The following MUC17 variants were observed in gnomAD, a reference collection of about 807,000 sequenced individuals.
MUC17 encodes mucin 17, cell surface associated, also known as mucin-17.
A neutral mutation model predicts 170.3 loss-of-function variants in MUC17; 190 were observed. The ratio of observed to expected loss-of-function variants is 1.12; its 90% CI spans 0.99 to 1.26. The LOEUF is 1.26. MUC17 is among the 50% of genes most tolerant of loss of function. The probability of loss-of-function intolerance (pLI) is 0.00; values close to 1 mark genes in which losing one functional copy is unlikely to be tolerated. For missense variants in MUC17, 6,415 were observed against 5,530.0 expected (o/e 1.16, Z -5.08); for synonymous variants, 2,325 against 2,002.5 (o/e 1.16, Z -4.30).
rs1794383248 is a variant in MUC17, at chr7:101,034,187, C to G, written c.2771C>G (p.Thr924Ser). 6.3e-7 allele frequency: 1 copy of G among 1,585,612 alleles called. No homozygotes were observed. Among genetic ancestry groups the G allele is most frequent in the Non-Finnish European group, 8.6e-7 (1 of 1,164,486 alleles). ...ACCTCAACTCCTGGGGAAGGAAGCA[C>G]TCCATTAACAAGTATGCCTGACAGC... ...MPTSTPGEGS[T>S]PLTSMPDSTT... The change falls in exon 3 of 13, where the codon ACT becomes AGT. Residue 924 changes from threonine to serine, a missense_variant. By Grantham distance (58) the Thr-to-Ser change is moderately conservative. Transcript: ENST00000306151.
rs1458115216 is a variant in MUC17, at chr7:101,050,654, G to A, written c.12874+19G>A. On this transcript the variant is annotated intron_variant, in intron 7 of 12. Coordinates refer to ENST00000306151, the MANE Select transcript of MUC17 (RefSeq NM_001040105.2). Reference sequence around the variant, plus strand: ...TGCTCAGGTGAACTCTGGGCTTCCAGGGAGGGAAGGGAGAAGGCATCAGAG... The same window carrying A: ...TGCTCAGGTGAACTCTGGGCTTCCAAGGAGGGAAGGGAGAAGGCATCAGAG... 3.1e-6 allele frequency: 5 copies of A among 1,609,814 alleles called. No individual in the cohort carries two copies. Among genetic ancestry groups the A allele is most frequent in the Non-Finnish European group, 4.2e-6 (5 of 1,178,040 alleles).
chr7:101,038,260 A>G lies in MUC17; in HGVS notation c.6844A>G (p.Thr2282Ala), dbSNP rs557918100. 3.1e-6 allele frequency: 5 copies of G among 1,613,884 alleles called. No individual in the cohort carries two copies. The Admixed American group carries it at 8.3e-5, about 27-fold the overall frequency. Reference sequence around the variant, plus strand: ...TCTTAGTGAAGGAACGACTCCATTAACAAGTATACCTGTCAGCCACACGCT... The same window carrying G: ...TCTTAGTGAAGGAACGACTCCATTAGCAAGTATACCTGTCAGCCACACGCT... The part of the protein sequence containing the change: ...STLSEGTTPL[T>A]SIPVSHTLVA... Residue 2282 changes from threonine to alanine, a missense_variant, in exon 3 of 13, where the codon ACA becomes GCA. Physicochemically the swap from Thr to Ala is moderately conservative, Grantham distance 58 (BLOSUM62 0). Coordinates refer to ENST00000306151, the MANE Select transcript of MUC17 (RefSeq NM_001040105.2).
intron 6 of MUC17, 124 bp from the exon 7 acceptor site, chr7:101,050,360 C>T: frequency 7.2e-7 from 1 of 1,398,486 alleles, no homozygotes; most frequent in Non-Finnish European, 9.7e-7. Context: ...AGAGTCATCA[C>T]CCCAACTGTC....
chr7:101,030,294 C>T (rs139726677), intron 1 of MUC17, among the ~76,000 whole-genome samples: 113 of 147,764 alleles, frequency 7.6e-4, no homozygotes, highest in African/African-American at 2.7e-3. Context: ...GTGATCTTGG[C>T]TCACTGCAAC....
At position 101,043,426 on chromosome 7, in the gene MUC17, T is replaced by C; in HGVS notation, c.12010T>C (p.Tyr4004His). The change falls in exon 3 of 13, where the codon TAT becomes CAT. Residue 4004 changes from tyrosine (Y) to histidine (H), a missense_variant. Coordinates refer to ENST00000306151, the MANE Select transcript of MUC17 (RefSeq NM_001040105.2). Reference sequence around the variant, plus strand: ...AATGACTACTGCAGCTCCCCTCACATATGTGACCATGTCTACTGCCCCCAG... The same window carrying C: ...AATGACTACTGCAGCTCCCCTCACACATGTGACCATGTCTACTGCCCCCAG... ...PAMTTAAPLT[Y>H]VTMSTAPSTP... is the part of the protein sequence containing the mutation. 1 of 1,614,100 alleles carries C rather than the reference T, an allele frequency of 6.2e-7. No homozygotes were observed. The highest frequency in any genetic ancestry group is 8.5e-7 in the Non-Finnish European group (1 of 1,180,030).
rs73168390 is a variant in MUC17 at position 101,035,202 on chromosome 7, C to G, written c.3786C>G (p.Thr1262=). 8.9e-6 allele frequency: 14 copies of G among 1,575,362 alleles called. No homozygotes were observed. Among genetic ancestry groups the G allele is most frequent in the Non-Finnish European group, 1.2e-5 (14 of 1,148,590 alleles). ...CTGAAACCAGTTCCTCTCCTACAAC[C>G]GCTGAAGGTACCAGCTTGCCAACCT... ...TSAETSSSPT[T]AEGTSLPTST... Residue 1262 remains threonine, a synonymous_variant, in exon 3 of 13, where the codon ACC becomes ACG. Transcript: ENST00000306151.
intron 9 of MUC17, among the ~76,000 whole-genome samples, chr7:101,052,403 A>T (rs1794963987): frequency 6.6e-6 from 1 of 152,204 alleles, no homozygotes. Flanking sequence ...CTTTAAACAG[A>T]ACCAAAGAGA....
At position 101,038,841 on chromosome 7, in the gene MUC17, C is replaced by T. The variant is rs138769729; in HGVS notation, c.7425C>T (p.Thr2475=). The T allele has an allele frequency of 1.3e-3, 2,021 of 1,610,608 alleles. 73 individuals carry two copies. In the East Asian group the frequency reaches 0.044, roughly 35 times the overall value. ...CGGTGGTCAGTTCTGAGGCTGGCACCCTTTCCACAACTCCTGTTGACACCA... is the reference window on the plus strand; with the variant it reads ...CGGTGGTCAGTTCTGAGGCTGGCACTCTTTCCACAACTCCTGTTGACACCA... ...TTPVVSSEAG[T]LSTTPVDTST... is the part of the protein sequence containing the mutation. The change falls in exon 3 of 13, where the codon ACC becomes ACT. Residue 2475 remains threonine (T), a synonymous_variant. Coordinates refer to ENST00000306151, the MANE Select transcript of MUC17 (RefSeq NM_001040105.2).
Position 101,058,060 on chromosome 7 carries a change from A to G in MUC17, c.*16A>G, listed in dbSNP as rs1795079704. On this transcript the variant is annotated 3_prime_UTR_variant, in exon 13 of 13. Transcript: ENST00000306151. ...ATCATTTTAAGGCATGGAGCTGAGA[A>G]GTCTGGGAGTGAGGAGATCCCAGTC... 1 of 1,612,842 alleles carries G rather than the reference A, an allele frequency of 6.2e-7. No homozygotes were observed. Among genetic ancestry groups the G allele is most frequent in the Admixed American group, 1.7e-5 (1 of 59,996 alleles).
In MUC17 at chr7:101,040,498, CCTACAA is replaced by C. The variant is rs1794662300; in HGVS notation, c.9085_9090del (p.Thr3029_Thr3030del). ...CACTTCTACTGAAGCCAGTTCCTCT[CCTACAA>C]CTGCTGAAGGTACCGGCATACCAAT... On this transcript the variant is annotated inframe_deletion, in exon 3 of 13. Coordinates refer to ENST00000306151, the MANE Select transcript of MUC17 (RefSeq NM_001040105.2). 6.2e-7 allele frequency: 1 copy of C among 1,611,488 alleles called. No individual in the cohort carries two copies. The highest frequency in any genetic ancestry group is 8.5e-7 in the Non-Finnish European group (1 of 1,178,996).
intron 1 of MUC17, among the ~76,000 whole-genome samples, chr7:101,027,604 G>T (rs1260793539): frequency 6.6e-6 from 1 of 152,092 alleles, no homozygotes; most frequent in Non-Finnish European, 1.5e-5. Flanking sequence ...GTTTGGAGTT[G>T]TTGAATTTTT....
chr7:101,039,946 T>C lies in MUC17; in HGVS notation c.8530T>C (p.Ser2844Pro). The C allele has an allele frequency of 6.2e-7, 1 of 1,613,568 alleles. No individual in the cohort carries two copies. Among genetic ancestry groups the C allele is most frequent in the Non-Finnish European group, 8.5e-7 (1 of 1,179,812 alleles). ...TGACACCAGCACACCTGTGACCACT[T>C]CTACTAAAGCCAGTTCATCTCCTAC... ...PVDTSTPVTT[S>P]TKASSSPTTA... Residue 2844 changes from serine (S) to proline (P), a missense_variant, in exon 3 of 13, where the codon TCT becomes CCT. Physicochemically the swap from Ser to Pro is moderately conservative, Grantham distance 74. Coordinates refer to ENST00000306151, the MANE Select transcript of MUC17 (RefSeq NM_001040105.2).
In MUC17 at chr7:101,038,162, C is replaced by T. The variant is rs747146138; in HGVS notation, c.6746C>T (p.Thr2249Ile). The change falls in exon 3 of 13, where the codon ACA becomes ATA. Residue 2249 changes from threonine to isoleucine, a missense_variant. Thr to Ile is a moderately conservative substitution (Grantham distance 89). Transcript: ENST00000306151. ...TLSATPVDTS[T>I]PVTTSTEATS... ...TCAGCAACTCCTGTTGACACCAGCA[C>T]ACCTGTGACCACTTCTACTGAAGCC... 1.9e-6 allele frequency: 3 copies of T among 1,613,752 alleles called. No individual in the cohort carries two copies. The highest frequency in any genetic ancestry group is 2.7e-5 in the African/African-American group (2 of 74,822).
In MUC17 at chr7:101,036,583, A is replaced by G. The variant is rs1465106125; in HGVS notation, c.5167A>G (p.Thr1723Ala). Residue 1723 changes from threonine (T) to alanine (A), a missense_variant, in exon 3 of 13, where the codon ACT (threonine) becomes GCT (alanine). Thr to Ala is a moderately conservative substitution (Grantham distance 58). Coordinates refer to ENST00000306151, the MANE Select transcript of MUC17 (RefSeq NM_001040105.2). ...TPVDNSTPVT[T>A]STEARSSPTT... The stretch of plus-strand genomic sequence containing the variant: ...CGTTGACAACAGCACACCTGTGACC[A>G]CTTCTACTGAAGCCCGTTCATCTCC... The G allele has an allele frequency of 8.1e-5, 131 of 1,613,500 alleles. No individual in the cohort carries two copies. The highest frequency in any genetic ancestry group is 1.1e-4 in the Non-Finnish European group (130 of 1,179,668).
Position 101,038,877 on chromosome 7 carries a change from G to T in MUC17, c.7461G>T (p.Met2487Ile). Residue 2487 changes from methionine to isoleucine, a missense_variant, in exon 3 of 13, where the codon ATG becomes ATT. Coordinates refer to ENST00000306151, the MANE Select transcript of MUC17 (RefSeq NM_001040105.2). ...CTCCTGTTGACACCAGCACACCTAT[G>T]ACCACTTCTACTGAAGCCAGTTCAT... ...STTPVDTSTPMTTSTEASSSP... is the reference protein window; with the variant it reads ...STTPVDTSTPITTSTEASSSP... The T allele has an allele frequency of 6.2e-7, 1 of 1,609,802 alleles. No homozygotes were observed. The highest frequency in any genetic ancestry group is 1.1e-5 in the South Asian group (1 of 90,776).
Position 101,037,979 on chromosome 7 carries a change from C to T in MUC17, c.6563C>T (p.Thr2188Ile), listed in dbSNP as rs771075843. 1.2e-6 allele frequency: 2 copies of T among 1,607,776 alleles called. No homozygotes were observed. The highest frequency in any genetic ancestry group is 1.7e-5 in the Admixed American group (1 of 59,402). Residue 2188 changes from threonine to isoleucine, a missense_variant, in exon 3 of 13, where the codon ACC becomes ATC. By Grantham distance (89) the Thr-to-Ile change is moderately conservative (BLOSUM62 -1). Coordinates refer to ENST00000306151, the MANE Select transcript of MUC17 (RefSeq NM_001040105.2). ...ACCCTTTCAACAACTCCTGTTGACACCAGCACACCTGTGACCAATTCTACT... is the reference window on the plus strand; with the variant it reads ...ACCCTTTCAACAACTCCTGTTGACATCAGCACACCTGTGACCAATTCTACT... ...ISTLSTTPVD[T>I]STPVTNSTEA...
rs762016528 is a variant in MUC17, at chr7:101,032,076, T to C, written c.660T>C (p.Ser220=). Residue 220 remains serine (S), a synonymous_variant, in exon 3 of 13, where the codon AGT becomes AGC. Transcript: ENST00000306151. ...TNSEGSTPLT[S]MPASTMKVAS... ...GTGAAGGAAGCACTCCATTAACAAG[T>C]ATGCCTGCCAGCACCATGAAGGTGG... 7.4e-6 allele frequency: 12 copies of C among 1,614,018 alleles called. No homozygotes were observed. In the Admixed American group the frequency reaches 2.0e-4, roughly 27 times the overall value.
intron 1 of MUC17, among the ~76,000 whole-genome samples, chr7:101,027,633 GT>G (rs1794204654): frequency 6.6e-6 from 1 of 151,992 alleles, no homozygotes; most frequent in African/African-American, 2.4e-5. Flanking sequence ...TGGGCTTATA[GT>G]TTTTATCAAG....
At chr7:101,045,334 T>C (rs1266859519) in intron 3 of MUC17, among the ~76,000 whole-genome samples, 2 of 152,160 alleles carry the variant, frequency 1.3e-5, no homozygotes, top group Admixed American at 6.5e-5. Context: ...CTCTGGACTT[T>C]GTGATTTTTT....
Sources: allele counts gnomAD v4.1 joint callset (sites outside exome capture counted in the v4.1 genomes callset), GRCh38; gene constraint gnomAD v4.1.1; transcripts MANE v1.5; gene names NCBI Gene and HGNC (gene_info 2026-07-23, HGNC 2026-07-21).